Variants in SYNPO2 observed in about 807,000 individuals in gnomAD.
The protein encoded by SYNPO2 is synaptopodin 2.
In SYNPO2, 56 loss-of-function variants were observed where a neutral mutation model predicts 85.0. The ratio of observed to expected loss-of-function variants is 0.66; its 90% CI spans 0.53 to 0.82. SYNPO2 has a LOEUF of 0.82. SYNPO2 is among the 40% of genes least tolerant of loss of function. SYNPO2 has a pLI of 0.00. For missense variants in SYNPO2, 1,575 were observed against 1,534.2 expected (o/e 1.03, Z -0.44); for synonymous variants, 602 against 591.1 (o/e 1.02, Z -0.27).
intron 1 of SYNPO2, among the ~76,000 whole-genome samples, chr4:118,869,168 T>A (rs367595957): frequency 6.6e-6 from 1 of 152,194 alleles, no homozygotes; most frequent in African/African-American, 2.4e-5. Context: ...GCAATTCTCC[T>A]ACCTCAACCT....
chr4:119,044,903 T>C (rs1738830146), intron 4 of SYNPO2, among the ~76,000 whole-genome samples: 1 of 152,246 alleles, frequency 6.6e-6, no homozygotes, highest in South Asian at 2.1e-4. Context: ...GTATAGTTGC[T>C]GTGTCTTCGT....
intron 1 of SYNPO2, among the ~76,000 whole-genome samples, chr4:118,944,022 C>T (rs1734414823): frequency 6.6e-6 from 1 of 152,126 alleles, no homozygotes; most frequent in African/African-American, 2.4e-5. Context: ...TATTACTGTG[C>T]TTTTTACATG....
Position 119,031,303 on chromosome 4 carries a change from A to T in SYNPO2, c.2528A>T (p.Lys843Ile). ...AAVASQNYTP[K>I]PTVSTPTVNA... ...GTAGCCAGTCAGAATTACACACCCAAACCAACAGTTTCCACACCAACAGTC... is the reference window on the plus strand; with the variant it reads ...GTAGCCAGTCAGAATTACACACCCATACCAACAGTTTCCACACCAACAGTC... Residue 843 changes from lysine (K) to isoleucine (I), a missense_variant, in exon 4 of 5, where the codon AAA (lysine) becomes ATA (isoleucine). By Grantham distance (102) the Lys-to-Ile change is moderately radical (BLOSUM62 -3). This residue lies in a region of SYNPO2 where 1,508 missense variants were observed against 1,446.8 expected (regional missense o/e 1.04). Transcript: ENST00000307142. 6.2e-7 allele frequency: 1 copy of T among 1,614,050 alleles called. No homozygotes were observed. The highest frequency in any genetic ancestry group is 8.5e-7 in the Non-Finnish European group (1 of 1,179,992).
At chr4:118,947,379 T>C (rs976894211) in intron 1 of SYNPO2, among the ~76,000 whole-genome samples, 2 of 152,220 alleles carry the variant, frequency 1.3e-5, no homozygotes, top group Non-Finnish European at 2.9e-5. Flanking sequence ...TTTCTATGCC[T>C]GGATTCCCAT....
chr4:119,057,512 C>G lies in SYNPO2; in HGVS notation c.3364C>G (p.Leu1122Val), dbSNP rs1278099033. Residue 1122 changes from leucine (L) to valine (V), a missense_variant, in exon 5 of 5, where the codon CTA becomes GTA. By Grantham distance (32) the Leu-to-Val change is conservative. This residue lies in a region of SYNPO2 where 1,508 missense variants were observed against 1,446.8 expected (regional missense o/e 1.04). Transcript: ENST00000307142. ...TTACTCTAGTAAACCAACCGATGGA[C>G]TAGAGAAAGCAAACAAGAGACCAAC... ...YSYSSKPTDG[L>V]EKANKRPTPW... 20 of 1,613,952 alleles carry G rather than the reference C, an allele frequency of 1.2e-5. No homozygotes were observed. The South Asian group carries it at 2.1e-4, about 17-fold the overall frequency.
At chr4:118,850,907 CAA>C (rs1388094742) in exon 1 of SYNPO2, 1 of 398,554 alleles carries the variant, frequency 2.5e-6, no homozygotes, top group African/African-American at 2.1e-5. Flanking sequence ...AAGCCTCCCA[CAA>C]AAGAGATGAG....
intron 1 of SYNPO2, among the ~76,000 whole-genome samples, chr4:118,914,223 T>C (rs1006523638): frequency 6.6e-6 from 1 of 152,136 alleles, no homozygotes; most frequent in African/African-American, 2.4e-5. Flanking sequence ...TTTAAATAAA[T>C]TGAATTTAAG....
chr4:119,010,140 G>C (rs1398978315), intron 1 of SYNPO2, among the ~76,000 whole-genome samples: 1 of 152,178 alleles, frequency 6.6e-6, no homozygotes, highest in Non-Finnish European at 1.5e-5. Flanking sequence ...CATTGACTGA[G>C]TGTTTACTAT....
At chr4:119,011,008 G>C (rs1300893965) in intron 1 of SYNPO2, among the ~76,000 whole-genome samples, 2 of 152,200 alleles carry the variant, frequency 1.3e-5, no homozygotes, top group Non-Finnish European at 2.9e-5. Flanking sequence ...ATTCATGCAG[G>C]CTCTCCTCAA....
intron 1 of SYNPO2, among the ~76,000 whole-genome samples, chr4:118,982,354 G>T (rs1024799594): frequency 2.6e-5 from 4 of 152,142 alleles, no homozygotes; most frequent in Non-Finnish European, 2.9e-5. Flanking sequence ...GAGTATGTTT[G>T]CAGGTCTTCA....
intron 4 of SYNPO2, among the ~76,000 whole-genome samples, chr4:119,039,293 A>G (rs1184778902): frequency 2.0e-5 from 3 of 152,078 alleles, no homozygotes; most frequent in Admixed American, 1.3e-4. Flanking sequence ...GTCAAACTCT[A>G]TGGCCATCAT....
intron 1 of SYNPO2, among the ~76,000 whole-genome samples, chr4:118,964,300 ACACACACAC>A (rs879343296): frequency 0.12 from 1,369 of 10,986 alleles, 56 homozygotes; most frequent in Admixed American, 0.41. Context: ...CACACACAAC[ACACACACAC>A]ACACACACAC....
At chr4:118,886,191 G>C (rs150341714), upstream of SYNPO2, among the ~76,000 whole-genome samples, 1 of 152,086 alleles carries the variant, frequency 6.6e-6, no homozygotes. Context: ...ACATGAAAAA[G>C]TAAAAAGAAC....
At chr4:119,036,978 ATTTTTTTGTTATTAATATAGG>A in intron 4 of SYNPO2, 2 of 1,304,616 alleles carry the variant, frequency 1.5e-6, no homozygotes, top group African/African-American at 3.0e-5. Context: ...AGTTTAAGTA[ATTTTTTTGTTATTAATATAGG>A]TAATAATTTT....
intron 1 of SYNPO2, among the ~76,000 whole-genome samples, chr4:119,020,980 G>A (rs1034437401): frequency 6.6e-6 from 1 of 152,072 alleles, no homozygotes; most frequent in Non-Finnish European, 1.5e-5. Flanking sequence ...TTGGAATATT[G>A]GTTCATTTAA....
chr4:118,900,663 TTCTCTCTCTCTCTC>T (rs376467151), intron 1 of SYNPO2, among the ~76,000 whole-genome samples: 1,134 of 77,504 alleles, frequency 0.015, 25 homozygotes, highest in African/African-American at 0.056. Context: ...TAGAATCTCT[TTCTCTCTCTCTCTC>T]TCTCTCTCTC....
intron 2 of SYNPO2, 139 bp downstream of exon 2, chr4:119,023,720 C>A: frequency 1.0e-6 from 1 of 989,332 alleles, no homozygotes; most frequent in Non-Finnish European, 1.4e-6. Flanking sequence ...TAAACAGAAA[C>A]ACCACTGTGT....
At chr4:119,004,230 T>A (rs1444250666) in intron 1 of SYNPO2, among the ~76,000 whole-genome samples, 1 of 152,142 alleles carries the variant, frequency 6.6e-6, no homozygotes, top group Admixed American at 6.5e-5. Flanking sequence ...TTACCTTTTT[T>A]TAAAAAAAAG....
chr4:118,872,666 C>T (rs1451610079), intron 1 of SYNPO2, among the ~76,000 whole-genome samples: 1 of 152,164 alleles, frequency 6.6e-6, no homozygotes, highest in Non-Finnish European at 1.5e-5. Flanking sequence ...TACTATGTAT[C>T]TGAGTAGCTT....
Sources: gnomAD v4.1 joint callset for allele counts (sites outside exome capture counted in the v4.1 genomes callset) on GRCh38, gnomAD v4.1.1 for gene constraint, gnomAD v4.1.1 regional missense constraint, MANE v1.5 for transcripts, NCBI Gene and HGNC (gene_info 2026-07-23, HGNC 2026-07-21) for gene names.